The following TTC29 variants were observed in gnomAD, a reference collection of about 807,000 sequenced individuals.
TTC29 encodes tetratricopeptide repeat domain 29, also known as tetratricopeptide repeat protein 29.
In TTC29, 49 loss-of-function variants were observed where a neutral mutation model predicts 58.1. That is an observed-to-expected ratio of 0.84 (90% CI 0.67 to 1.07). The LOEUF is 1.07. TTC29 is among the 50% of genes least tolerant of loss of function. TTC29 has a pLI of 0.00. For missense variants in TTC29, 582 were observed against 555.6 expected, an observed-to-expected ratio of 1.05 and a Z score of -0.48; for synonymous variants, 209 against 196.8, an observed-to-expected ratio of 1.06 and a Z score of -0.52.
chr4:146,778,048 A>G (rs1005853776), intron 11 of TTC29, among the ~76,000 whole-genome samples: 5 of 152,214 alleles, frequency 3.3e-5, no homozygotes, highest in South Asian at 2.1e-4. Context: ...GTTGGCCACA[A>G]TGAACTGTAG....
chr4:146,823,268 G>A (rs1371049639), intron 9 of TTC29, among the ~76,000 whole-genome samples: 1 of 152,108 alleles, frequency 6.6e-6, no homozygotes, highest in Non-Finnish European at 1.5e-5. Context: ...TTCATCTTGA[G>A]TTAGTTTTTG....
intron 11 of TTC29, among the ~76,000 whole-genome samples, chr4:146,787,288 A>G (rs1482908587): frequency 6.6e-6 from 1 of 152,226 alleles, no homozygotes; most frequent in Non-Finnish European, 1.5e-5. Context: ...TAGGTGGGAC[A>G]AATGAAAGAA....
chr4:146,774,219 T>C (rs1747932066), intron 11 of TTC29, among the ~76,000 whole-genome samples: 1 of 152,138 alleles, frequency 6.6e-6, no homozygotes. Context: ...TTTCATGTCT[T>C]AATTCCCCTC....
chr4:146,783,214 A>G (rs1748751120), intron 11 of TTC29, among the ~76,000 whole-genome samples: 1 of 152,030 alleles, frequency 6.6e-6, no homozygotes, highest in Non-Finnish European at 1.5e-5. Flanking sequence ...GTTACTTCAC[A>G]TCCTATTTTC....
intron 11 of TTC29, among the ~76,000 whole-genome samples, chr4:146,714,836 G>A (rs1026223546): frequency 1.1e-4 from 16 of 152,112 alleles, no homozygotes; most frequent in Admixed American, 9.2e-4. Context: ...GTTGCACAAA[G>A]GTGAGAAGGG....
chr4:146,829,097 G>T (rs1198733833), intron 9 of TTC29, among the ~76,000 whole-genome samples: 1 of 152,112 alleles, frequency 6.6e-6, no homozygotes, highest in Admixed American at 6.6e-5. Context: ...CATATTATAT[G>T]GTATAATCAT....
intron 10 of TTC29, among the ~76,000 whole-genome samples, chr4:146,817,720 T>G (rs57054230): frequency 0.063 from 9,613 of 152,044 alleles, 411 homozygotes; most frequent in Admixed American, 0.13. Context: ...GCATGGTACT[T>G]GTACCAAAAC....
At chr4:146,716,000 GA>G (rs1457236570) in intron 11 of TTC29, among the ~76,000 whole-genome samples, 1 of 151,970 alleles carries the variant, frequency 6.6e-6, no homozygotes, top group Non-Finnish European at 1.5e-5. Context: ...GATATACACT[GA>G]TCATTATTTT....
At chr4:146,804,722 G>A (rs1351631105) in intron 10 of TTC29, among the ~76,000 whole-genome samples, 2 of 152,224 alleles carry the variant, frequency 1.3e-5, no homozygotes, top group African/African-American at 4.8e-5. Context: ...TGAAAGAAAG[G>A]CAGCAGCCCC....
At chr4:146,853,872 G>A (rs1215750803) in intron 8 of TTC29, among the ~76,000 whole-genome samples, 1 of 152,190 alleles carries the variant, frequency 6.6e-6, no homozygotes, top group African/African-American at 2.4e-5. Flanking sequence ...TCAGTGACTT[G>A]CACTGACAGA....
At chr4:146,760,823 ATATATATATATGATGGAATAC>A (rs1278213876) in intron 11 of TTC29, among the ~76,000 whole-genome samples, 15 of 145,598 alleles carry the variant, frequency 1.0e-4, no homozygotes, top group East Asian at 8.2e-4. Context: ...ATGGAATACT[ATATATATATATGATGGAATAC>A]TATATATATA....
intron 7 of TTC29, among the ~76,000 whole-genome samples, chr4:146,872,833 A>G (rs535193141): frequency 6.6e-6 from 1 of 152,200 alleles, no homozygotes; most frequent in Non-Finnish European, 1.5e-5. Flanking sequence ...CAGCTCCTCA[A>G]TAAGTTGAAC....
At chr4:146,732,069 T>C (rs1744378220) in intron 11 of TTC29, among the ~76,000 whole-genome samples, 1 of 152,146 alleles carries the variant, frequency 6.6e-6, no homozygotes, top group Non-Finnish European at 1.5e-5. Context: ...ATCCTTTTGT[T>C]TGTATTTTTG....
intron 8 of TTC29, among the ~76,000 whole-genome samples, chr4:146,836,400 C>T (rs1728511862): frequency 6.6e-6 from 1 of 152,086 alleles, no homozygotes; most frequent in Non-Finnish European, 1.5e-5. Context: ...ACATGAGGGT[C>T]TTGCAAAGGA....
At chr4:146,945,293 T>G (rs1447174221) in intron 1 of TTC29, 1 of 152,182 alleles carries the variant, frequency 6.6e-6, no homozygotes, top group African/African-American at 2.4e-5. Context: ...CCAAAACATC[T>G]GAAATATGTA....
intron 4 of TTC29, chr4:146,934,484 G>A (rs1735611906): frequency 6.6e-6 from 1 of 152,210 alleles, no homozygotes; most frequent in African/African-American, 2.4e-5. Context: ...TATCCAAGTA[G>A]ACACATCAAG....
At chr4:146,877,933 G>A (rs1418893560) in intron 6 of TTC29, among the ~76,000 whole-genome samples, 1 of 152,180 alleles carries the variant, frequency 6.6e-6, no homozygotes, top group Admixed American at 6.6e-5. Context: ...GAAAGGGGAG[G>A]TGACAGGAGG....
chr4:146,864,394 T>C (rs1174234224), intron 8 of TTC29, among the ~76,000 whole-genome samples: 2 of 152,118 alleles, frequency 1.3e-5, no homozygotes, highest in Non-Finnish European at 2.9e-5. Flanking sequence ...TCCAGAGACT[T>C]AGATTAGAAA....
rs1731143096 is a variant in TTC29 at position 146,874,755 on chromosome 4, T to C, written c.760A>G (p.Ile254Val). 6.2e-7 allele frequency: 1 copy of C among 1,608,264 alleles called. No individual in the cohort carries two copies. The highest frequency in any genetic ancestry group is 1.7e-5 in the Admixed American group (1 of 59,412). The change falls in exon 7 of 13, where the codon ATC becomes GTC. Residue 254 changes from isoleucine to valine, a missense_variant. Physicochemically the swap from Ile to Val is conservative, Grantham distance 29 (BLOSUM62 3). Transcript: ENST00000325106. The part of the protein sequence containing the change: ...MLENKEYKQA[I>V]KILIKASEIA... ...TCAGAAGCTTTTATTAGAATTTTGA[T>C]GGCCTGTTTGTATTCTTTATTTTCT...
Sources: gnomAD v4.1 joint callset for allele counts (sites outside exome capture counted in the v4.1 genomes callset) on GRCh38, gnomAD v4.1.1 for gene constraint, MANE v1.5 for transcripts, NCBI Gene and HGNC (gene_info 2026-07-23, HGNC 2026-07-21) for gene names.